The following RAP1GAP2 variants were observed in gnomAD, a reference collection of about 807,000 sequenced individuals.
The protein encoded by RAP1GAP2 is RAP1 GTPase activating protein 2.
A neutral mutation model predicts 95.0 loss-of-function variants in RAP1GAP2; 27 were observed. The observed-to-expected ratio is 0.28, with a 90% CI of 0.21 to 0.39. RAP1GAP2 has a LOEUF of 0.39. Among genes scored for constraint, RAP1GAP2 ranks in the 10% least tolerant of loss-of-function variants. RAP1GAP2 has a pLI of 1.00. For missense variants in RAP1GAP2, 771 were observed against 970.0 expected, an observed-to-expected ratio of 0.79 and a Z score of 2.72; for synonymous variants, 373 against 380.9, an observed-to-expected ratio of 0.98 and a Z score of 0.24.
chr17:3,026,631 G>A (rs73300932), intron 21 of RAP1GAP2, among the ~76,000 whole-genome samples, 167 bp downstream of exon 21: 6,993 of 152,282 alleles, frequency 0.046, 515 homozygotes, highest in African/African-American at 0.16. Context: ...CCCCCTGGGC[G>A]CAGTGGGTGA....
intron 8 of RAP1GAP2, among the ~76,000 whole-genome samples, chr17:2,974,265 C>T (rs1180590510): frequency 2.0e-5 from 3 of 151,194 alleles, no homozygotes; most frequent in Non-Finnish European, 2.9e-5. Context: ...AGGAGAATGG[C>T]GTGAACCCAG....
intron 2 of RAP1GAP2, chr17:2,853,891 A>C (rs2151601021): frequency 1.0e-6 from 1 of 968,292 alleles, no homozygotes; most frequent in Non-Finnish European, 1.2e-6. Flanking sequence ...TGCGAGGCGG[A>C]GGCCGGGGGC....
At chr17:2,973,109 G>A (rs766812157) in intron 8 of RAP1GAP2, among the ~76,000 whole-genome samples, 2 of 152,148 alleles carry the variant, frequency 1.3e-5, no homozygotes, top group Non-Finnish European at 2.9e-5. Context: ...TGCTAGAGAA[G>A]TAAGAAAAGG....
At chr17:2,833,359 A>G (rs923611990) in intron 2 of RAP1GAP2, among the ~76,000 whole-genome samples, 2 of 148,206 alleles carry the variant, frequency 1.3e-5, no homozygotes, top group African/African-American at 5.0e-5. Flanking sequence ...CTGGTCTTGA[A>G]CTCCTGACCT....
intron 1 of RAP1GAP2, among the ~76,000 whole-genome samples, chr17:2,756,234 A>G (rs2071141279): frequency 6.6e-6 from 1 of 152,162 alleles, no homozygotes; most frequent in African/African-American, 2.4e-5. Context: ...GGGGTGCTTT[A>G]GCCCCGAAAC....
chr17:2,991,441 C>A, intron 12 of RAP1GAP2, 44 bp downstream of exon 12: 1 of 1,465,918 alleles, frequency 6.8e-7, no homozygotes, highest in Non-Finnish European at 9.4e-7. Context: ...TCAACAAGGG[C>A]ACTAGAGGAA....
At chr17:2,901,744 G>A (rs571060183) in intron 2 of RAP1GAP2, among the ~76,000 whole-genome samples, 23 of 152,248 alleles carry the variant, frequency 1.5e-4, no homozygotes, top group African/African-American at 4.6e-4. Flanking sequence ...ATCTTATCTC[G>A]GTGCCAGCTG....
At chr17:2,787,579 T>C (rs557753442) in intron 1 of RAP1GAP2, among the ~76,000 whole-genome samples, 1 of 152,008 alleles carries the variant, frequency 6.6e-6, no homozygotes, top group South Asian at 2.1e-4. Flanking sequence ...TTTGTTTTGT[T>C]TTTTTTGAGA....
chr17:2,804,571 G>GGCC (rs1277206159), intron 2 of RAP1GAP2, among the ~76,000 whole-genome samples: 1 of 152,182 alleles, frequency 6.6e-6, no homozygotes, highest in Non-Finnish European at 1.5e-5. Flanking sequence ...TAGAATCCGT[G>GGCC]GCCGCAGAAT....
At chr17:2,985,576 C>T (rs927957365) in intron 11 of RAP1GAP2, among the ~76,000 whole-genome samples, 1 of 152,144 alleles carries the variant, frequency 6.6e-6, no homozygotes, top group African/African-American at 2.4e-5. Context: ...TTGCAAACAC[C>T]AGGGTTTCTA....
At chr17:2,890,069 A>G (rs1294898227) in intron 2 of RAP1GAP2, among the ~76,000 whole-genome samples, 1 of 150,906 alleles carries the variant, frequency 6.6e-6, no homozygotes, top group African/African-American at 2.4e-5. Context: ...TTGAGATGAG[A>G]TCCCAGCCCT....
At chr17:2,763,754 G>A (rs1597265713) in intron 1 of RAP1GAP2, among the ~76,000 whole-genome samples, 2 of 151,660 alleles carry the variant, frequency 1.3e-5, no homozygotes, top group African/African-American at 4.8e-5. Context: ...TCTGGGAGAT[G>A]GGGGTGGAGA....
intron 3 of RAP1GAP2, among the ~76,000 whole-genome samples, chr17:2,920,800 A>G (rs1416465664): frequency 6.6e-6 from 1 of 152,172 alleles, no homozygotes; most frequent in Non-Finnish European, 1.5e-5. Context: ...TGCTCTGCCA[A>G]CTGCCATAGA....
At chr17:2,994,882 C>T (rs372671268) in intron 12 of RAP1GAP2, among the ~76,000 whole-genome samples, 28 of 152,312 alleles carry the variant, frequency 1.8e-4, no homozygotes, top group East Asian at 1.5e-3. Context: ...GGCGCCATCT[C>T]GGCTCACTGC....
rs1040204148 is a variant in RAP1GAP2 at position 3,033,289 on chromosome 17, C to T, written c.*31-103C>T. 1.3e-5 allele frequency: 2 copies of T among 152,542 alleles called. No individual in the cohort carries two copies. Among genetic ancestry groups the T allele is most frequent in the African/African-American group, 2.4e-5 (1 of 41,396 alleles). The allele number at this position is 152,542 out of a possible 1,614,324, so 9.4% of individuals were successfully genotyped here. ...CTGAGTGTATCCAGTGAGCTGTAGCCATGGGCAGGCGTGTTCCCCACCCCT... is the reference window on the plus strand; with the variant it reads ...CTGAGTGTATCCAGTGAGCTGTAGCTATGGGCAGGCGTGTTCCCCACCCCT... On this transcript the variant is annotated intron_variant, in intron 24 of 24. Transcript: ENST00000254695. The surrounding 1 kb of genome is among the most constrained non-coding windows in gnomAD (Gnocchi z 4.9).
At chr17:2,898,986 C>A (rs2041934309) in intron 2 of RAP1GAP2, among the ~76,000 whole-genome samples, 1 of 142,802 alleles carries the variant, frequency 7.0e-6, no homozygotes, top group African/African-American at 2.8e-5. Flanking sequence ...CTCCCTGCAG[C>A]CCCTGGCAAC....
intron 1 of RAP1GAP2, among the ~76,000 whole-genome samples, chr17:2,765,342 C>T (rs776847819): frequency 3.3e-5 from 5 of 152,012 alleles, no homozygotes; most frequent in African/African-American, 4.8e-5. Context: ...TTACCTGAGC[C>T]GGGAGTGGTA....
intron 2 of RAP1GAP2, among the ~76,000 whole-genome samples, chr17:2,892,874 T>C (rs2073767106): frequency 1.3e-5 from 2 of 152,150 alleles, no homozygotes; most frequent in Admixed American, 6.5e-5. Context: ...AGCTGCCAGC[T>C]CCCCTCCCCT....
At chr17:2,932,818 AAAAAAG>A (rs1390157034) in intron 3 of RAP1GAP2, among the ~76,000 whole-genome samples, 5 of 28,994 alleles carry the variant, frequency 1.7e-4, no homozygotes, top group Admixed American at 3.7e-4. Flanking sequence ...CTCCATCTCA[AAAAAAG>A]AAAAAAAAAA....
Sources: allele counts gnomAD v4.1 joint callset (sites outside exome capture counted in the v4.1 genomes callset), GRCh38; gene constraint gnomAD v4.1.1; non-coding constraint Gnocchi (gnomAD v3.1); transcripts MANE v1.5; gene names NCBI Gene and HGNC (gene_info 2026-07-23, HGNC 2026-07-21).